Variants in IL1RAPL2 observed in about 807,000 individuals in gnomAD.
IL1RAPL2 encodes X-linked interleukin-1 receptor accessory protein-like 2.
A neutral mutation model predicts 44.1 loss-of-function variants in IL1RAPL2; 3 were observed. That is an observed-to-expected ratio of 0.07 (90% CI 0.03 to 0.18). The LOEUF (loss-of-function observed/expected upper bound fraction) is 0.18. Ranked by LOEUF, IL1RAPL2 falls within the 10% of genes least tolerant of loss-of-function variation. The pLI, the probability that IL1RAPL2 is intolerant of heterozygous loss-of-function variation, is 1.00. For synonymous variants in IL1RAPL2, 181 were observed against 178.8 expected (o/e 1.01, Z -0.10); for missense variants, 391 against 496.4 (o/e 0.79, Z 2.02).
chrX:105,569,933 A>C (rs1226416758), intron 6 of IL1RAPL2, among the ~76,000 whole-genome samples: 1 of 111,718 alleles, frequency 9.0e-6, no homozygotes, highest in East Asian at 2.8e-4. Context: ...TTTGGTAGCT[A>C]TCCTGAAAGG....
rs1350336549 is a variant in IL1RAPL2, at chrX:105,648,112, G to A, written c.773-69255G>A. Among the ~76,000 whole-genome samples, 5 of 111,879 alleles carry A rather than the reference G, an allele frequency of 4.5e-5. No homozygotes were observed. In the East Asian group the frequency reaches 1.4e-3, roughly 31 times the overall value. On this transcript the variant is annotated intron_variant, in intron 6 of 10. Coordinates refer to ENST00000372582, the MANE Select transcript of IL1RAPL2 (RefSeq NM_017416.2). ...AGGCAAAATCTCAATAACATGGTAA[G>A]AACTTGATACGTTCATTCATATTAA...
At chrX:105,715,744 C>T (rs1303560474) in intron 6 of IL1RAPL2, among the ~76,000 whole-genome samples, 4 of 111,346 alleles carry the variant, frequency 3.6e-5, no homozygotes, top group Non-Finnish European at 7.5e-5. Context: ...GATTTACAAA[C>T]CCTGAAATCT....
chrX:104,668,831 T>TTA (rs1259577878), intron 2 of IL1RAPL2, among the ~76,000 whole-genome samples: 1 of 110,020 alleles, frequency 9.1e-6, no homozygotes, highest in Non-Finnish European at 1.9e-5. Flanking sequence ...AATAACAGCT[T>TTA]TATAGTCACC....
At chrX:105,407,911 G>A (rs2035660479) in intron 5 of IL1RAPL2, among the ~76,000 whole-genome samples, 2 of 111,917 alleles carry the variant, frequency 1.8e-5, no homozygotes, top group Non-Finnish European at 3.8e-5. Flanking sequence ...ACAAGCATAG[G>A]AAGATACTTC....
intron 6 of IL1RAPL2, among the ~76,000 whole-genome samples, chrX:105,646,458 T>G (rs2037606604): frequency 8.9e-6 from 1 of 111,985 alleles, no homozygotes; most frequent in South Asian, 3.8e-4. Flanking sequence ...ATTATCCCAT[T>G]TTTATAAAGT....
intron 2 of IL1RAPL2, among the ~76,000 whole-genome samples, chrX:104,952,002 G>C (rs1229939183): frequency 8.9e-6 from 1 of 112,087 alleles, no homozygotes; most frequent in Non-Finnish European, 1.9e-5. Context: ...GTTCCAATCA[G>C]CCACATTACT....
At chrX:105,484,036 T>G (rs2036249535) in intron 5 of IL1RAPL2, among the ~76,000 whole-genome samples, 1 of 111,611 alleles carries the variant, frequency 9.0e-6, no homozygotes, top group African/African-American at 3.3e-5. Flanking sequence ...CTTACAAATT[T>G]ATAAAAACCA....
At chrX:105,336,996 A>G (rs2035033374) in intron 5 of IL1RAPL2, among the ~76,000 whole-genome samples, 1 of 110,975 alleles carries the variant, frequency 9.0e-6, no homozygotes. Context: ...TCCACCTCCA[A>G]TACCTTATTT....
At chrX:105,351,435 C>T (rs138067035) in intron 5 of IL1RAPL2, among the ~76,000 whole-genome samples, 4,026 of 111,598 alleles carry the variant, frequency 0.036, 199 homozygotes, top group African/African-American at 0.12. Flanking sequence ...ATACACCATG[C>T]AATGCTATGC....
chrX:105,288,408 T>C (rs1359740594), intron 5 of IL1RAPL2, among the ~76,000 whole-genome samples: 2 of 86,366 alleles, frequency 2.3e-5, no homozygotes, highest in Admixed American at 2.8e-4. Context: ...CTATCTACTT[T>C]TGAAAAAAAA....
At chrX:104,672,172 G>C (rs1177750510) in intron 2 of IL1RAPL2, among the ~76,000 whole-genome samples, 2 of 110,633 alleles carry the variant, frequency 1.8e-5, no homozygotes, top group Non-Finnish European at 3.8e-5. Flanking sequence ...TGTTACATAT[G>C]TATACATGTG....
intron 6 of IL1RAPL2, among the ~76,000 whole-genome samples, chrX:105,637,160 G>A (rs1042517935): frequency 9.0e-6 from 1 of 110,936 alleles, no homozygotes; most frequent in Non-Finnish European, 1.9e-5. Context: ...AGGAAGGAAG[G>A]AATAGCTACC....
chrX:104,932,112 C>T (rs1429975782), intron 2 of IL1RAPL2, among the ~76,000 whole-genome samples: 4 of 107,109 alleles, frequency 3.7e-5, no homozygotes, highest in African/African-American at 1.0e-4. Context: ...CTCCCTCAGC[C>T]TCCCTAGTAG....
intron 2 of IL1RAPL2, among the ~76,000 whole-genome samples, chrX:104,828,820 C>T (rs1014888895): frequency 2.7e-5 from 3 of 112,759 alleles, no homozygotes; most frequent in Non-Finnish European, 5.6e-5. Flanking sequence ...TTCAGAGATG[C>T]CCTGCCCAGA....
intron 1 of IL1RAPL2, among the ~76,000 whole-genome samples, chrX:104,595,057 T>C (rs1928739743): frequency 8.9e-6 from 1 of 111,763 alleles, no homozygotes; most frequent in South Asian, 3.7e-4. Context: ...ATTTATGTTT[T>C]GAAAATCCCA....
At chrX:105,242,332 T>G (rs1052332806) in intron 4 of IL1RAPL2, among the ~76,000 whole-genome samples, 1 of 112,509 alleles carries the variant, frequency 8.9e-6, no homozygotes, top group Non-Finnish European at 1.9e-5. Context: ...CTAAAAGACA[T>G]TACAGTTTTT....
intron 3 of IL1RAPL2, among the ~76,000 whole-genome samples, chrX:105,197,056 C>T (rs1185083220): frequency 1.8e-5 from 2 of 111,320 alleles, no homozygotes; most frequent in Non-Finnish European, 3.8e-5. Context: ...CTTCTGGATG[C>T]TCTAAGAATC....
intron 10 of IL1RAPL2, among the ~76,000 whole-genome samples, chrX:105,763,804 T>C (rs757247300): frequency 5.7e-4 from 63 of 110,467 alleles, no homozygotes; most frequent in Admixed American, 9.7e-4. Flanking sequence ...CAGCCACTGA[T>C]CATCATCCCA....
At chrX:105,748,073 C>A (rs1046729721) in intron 8 of IL1RAPL2, among the ~76,000 whole-genome samples, 1 of 111,351 alleles carries the variant, frequency 9.0e-6, no homozygotes, top group African/African-American at 3.3e-5. Context: ...CTCTGACTTC[C>A]CATTTTCTCT....
Sources: gnomAD v4.1 joint callset for allele counts (sites outside exome capture counted in the v4.1 genomes callset) on GRCh38, gnomAD v4.1.1 for gene constraint, MANE v1.5 for transcripts, NCBI Gene and HGNC (gene_info 2026-07-23, HGNC 2026-07-21) for gene names.